BSN: variants seen among roughly 807,000 people sequenced by gnomAD.
BSN encodes protein bassoon.
BSN carries 57 observed loss-of-function variants against 264.8 expected under a neutral mutation model. The observed-to-expected ratio is 0.22, with a 90% CI of 0.17 to 0.27. The LOEUF (loss-of-function observed/expected upper bound fraction) is 0.27. Ranked by LOEUF, BSN falls within the 10% of genes least tolerant of loss-of-function variation. BSN has a pLI of 1.00. For synonymous variants in BSN, 2,059 were observed against 2,137.3 expected (o/e 0.96, Z 1.01); for missense variants, 4,615 against 5,232.5 (o/e 0.88, Z 3.64).
Position 49,663,168 on chromosome 3 carries a change from C to A in BSN, c.11010C>A (p.His3670Gln). ...CGGGACGGCGTGCTGCCAAACCACA[C>A]GCTCGGGACCTGGGTCGCCATGAGG... ...EEPGRRAAKP[H>Q]ARDLGRHEAR... Residue 3670 changes from histidine (H) to glutamine (Q), a missense_variant, in exon 7 of 12, where the codon CAC becomes CAA. His to Gln is a conservative substitution (Grantham distance 24). This residue lies in a region of BSN where 3,415 missense variants were observed against 3,866.4 expected (regional missense o/e 0.88). Transcript: ENST00000296452. The A allele has an allele frequency of 1.2e-6, 2 of 1,613,412 alleles. No individual in the cohort carries two copies. The highest frequency in any genetic ancestry group is 1.6e-4 in the Middle Eastern group (1 of 6,062).
chr3:49,626,460 G>A (rs910422753), intron 2 of BSN, among the ~76,000 whole-genome samples: 5 of 152,162 alleles, frequency 3.3e-5, no homozygotes, highest in African/African-American at 1.2e-4. Context: ...AGATTCTGAG[G>A]AAGGAGCTGT....
In BSN at chr3:49,653,391, G is replaced by A. The variant is rs531386820; in HGVS notation, c.3835G>A (p.Ala1279Thr). The change falls in exon 5 of 12, where the codon GCT becomes ACT. Residue 1279 changes from alanine (A) to threonine (T), a missense_variant. This residue lies in a region of BSN where 3,415 missense variants were observed against 3,866.4 expected (regional missense o/e 0.88). Coordinates refer to ENST00000296452, the MANE Select transcript of BSN (RefSeq NM_003458.4). This position sits in a 1 kb window ranked among gnomAD's most constrained non-coding sequence, Gnocchi z 6.3. Reference sequence around the variant, plus strand: ...GCGGCAGGCCTCCTCACGAGACCTGGCTTTTGCTGAGGACAAAAAGAAGGA... The same window carrying A: ...GCGGCAGGCCTCCTCACGAGACCTGACTTTTGCTGAGGACAAAAAGAAGGA... The part of the protein sequence containing the change: ...RMRQASSRDL[A>T]FAEDKKKEKQ... 1.9e-6 allele frequency: 3 copies of A among 1,613,832 alleles called. No homozygotes were observed. Among genetic ancestry groups the A allele is most frequent in the East Asian group, 2.2e-5 (1 of 44,876 alleles).
chr3:49,592,427 T>A (rs1056204305), intron 1 of BSN, among the ~76,000 whole-genome samples: 1 of 150,166 alleles, frequency 6.7e-6, no homozygotes, highest in South Asian at 2.1e-4. Flanking sequence ...CTCAATTTTT[T>A]AAAAATTGAA....
At chr3:49,616,027 G>A (rs1233934349) in intron 1 of BSN, among the ~76,000 whole-genome samples, 1 of 152,152 alleles carries the variant, frequency 6.6e-6, no homozygotes, top group Admixed American at 6.5e-5. Context: ...TTTTCCACTT[G>A]GGGAGGTGGG....
At chr3:49,618,817 T>G (rs2108052375) in intron 1 of BSN, among the ~76,000 whole-genome samples, 1 of 152,358 alleles carries the variant, frequency 6.6e-6, no homozygotes, top group South Asian at 2.1e-4. Context: ...TGCAGCAGTG[T>G]GTCTTGCAGG....
intron 1 of BSN, among the ~76,000 whole-genome samples, chr3:49,576,109 C>T (rs184145439): frequency 5.5e-4 from 84 of 152,168 alleles, no homozygotes; most frequent in Non-Finnish European, 1.1e-3. Context: ...TTAGAGTAAC[C>T]GCTGGTGCCT....
chr3:49,594,465 A>G (rs1420895033), intron 1 of BSN, among the ~76,000 whole-genome samples: 4 of 152,254 alleles, frequency 2.6e-5, no homozygotes. Context: ...GCAGCTTTAT[A>G]AAGAATCAAT....
intron 1 of BSN, among the ~76,000 whole-genome samples, chr3:49,616,051 A>T (rs1351276283): frequency 1.3e-5 from 2 of 152,218 alleles, no homozygotes; most frequent in Non-Finnish European, 2.9e-5. Flanking sequence ...TATAAAAAAT[A>T]TGCATTTATA....
rs931331292 is a variant in BSN at position 49,642,439 on chromosome 3, C to T, written c.805C>T (p.Pro269Ser). ...GKPDQERSRG[P>S]GGPQPGSRQA... ...GCCAGACCAAGAGAGATCTCGGGGC[C>T]CAGGAGGACCACAGCCTGGGTCCCG... The change falls in exon 3 of 12, where the codon CCA becomes TCA. Residue 269 changes from proline to serine, a missense_variant. By Grantham distance (74) the Pro-to-Ser change is moderately conservative (BLOSUM62 -1). Transcript: ENST00000296452. The surrounding 1 kb of genome is among the most constrained non-coding windows in gnomAD (Gnocchi z 7.0). 14 of 1,597,012 alleles carry T rather than the reference C, an allele frequency of 8.8e-6. No homozygotes were observed. Among genetic ancestry groups the T allele is most frequent in the Non-Finnish European group, 1.2e-5 (14 of 1,172,346 alleles).
intron 1 of BSN, among the ~76,000 whole-genome samples, chr3:49,584,586 TG>T (rs1324541278): frequency 6.6e-6 from 1 of 152,196 alleles, no homozygotes; most frequent in African/African-American, 2.4e-5. Flanking sequence ...CCATGGAGAA[TG>T]GGGTATCCAT....
At chr3:49,631,821 G>C (rs1406045520) in intron 2 of BSN, among the ~76,000 whole-genome samples, 1 of 152,116 alleles carries the variant, frequency 6.6e-6, no homozygotes, top group Non-Finnish European at 1.5e-5. Context: ...GGTCAGATGT[G>C]CATTTAAAAC....
In BSN at chr3:49,657,957, C is replaced by G; in HGVS notation, c.8401C>G (p.Leu2801Val). 1 of 1,612,170 alleles carries G rather than the reference C, an allele frequency of 6.2e-7. No homozygotes were observed. The highest frequency in any genetic ancestry group is 8.5e-7 in the Non-Finnish European group (1 of 1,178,658). The change falls in exon 5 of 12, where the codon CTG becomes GTG. Residue 2801 changes from leucine (L) to valine (V), a missense_variant. Leu to Val is a conservative substitution (Grantham distance 32, BLOSUM62 1). Transcript: ENST00000296452. ...PQVLYSPVSPLSPHRLLDTSF... is the reference protein window; with the variant it reads ...PQVLYSPVSPVSPHRLLDTSF... The stretch of plus-strand genomic sequence containing the variant: ...GGTCCTCTACTCACCAGTCTCACCC[C>G]TGTCCCCTCACCGGCTCCTGGACAC...
chr3:49,650,498 T>C, intron 3 of BSN, 114 bp from the exon 4 acceptor site: 1 of 1,011,014 alleles, frequency 9.9e-7, no homozygotes, highest in Non-Finnish European at 1.5e-6. Flanking sequence ...TCTTTGGTGT[T>C]ATGCTTTGAA....
intron 10 of BSN, among the ~76,000 whole-genome samples, 167 bp downstream of exon 10, chr3:49,665,020 A>G (rs1487148566): frequency 6.6e-6 from 1 of 152,070 alleles, no homozygotes; most frequent in Non-Finnish European, 1.5e-5. Flanking sequence ...GAGGAGAAAA[A>G]GGAGGGACAC....
chr3:49,588,538 ATCTT>A (rs1195025050), intron 1 of BSN, among the ~76,000 whole-genome samples: 1 of 152,176 alleles, frequency 6.6e-6, no homozygotes. Context: ...ATTGAAATGA[ATCTT>A]TCTTTTCTTG....
At chr3:49,615,440 G>C (rs1437647350) in intron 1 of BSN, among the ~76,000 whole-genome samples, 1 of 152,206 alleles carries the variant, frequency 6.6e-6, no homozygotes. Context: ...GGTCTTTTGA[G>C]TCTTGGAAAC....
intron 3 of BSN, among the ~76,000 whole-genome samples, chr3:49,647,056 G>A (rs2052507328): frequency 6.6e-6 from 1 of 152,206 alleles, no homozygotes; most frequent in Non-Finnish European, 1.5e-5. Flanking sequence ...CAGGGCTGAG[G>A]GTGTTTAGGG....
At chr3:49,644,071 T>C (rs888216600) in intron 3 of BSN, among the ~76,000 whole-genome samples, 1 of 152,144 alleles carries the variant, frequency 6.6e-6, no homozygotes, top group African/African-American at 2.4e-5. Flanking sequence ...TGGCCCAGGG[T>C]CACCCATGTG....
intron 1 of BSN, among the ~76,000 whole-genome samples, chr3:49,579,780 C>T (rs2051880879): frequency 6.9e-6 from 1 of 144,792 alleles, no homozygotes; most frequent in Admixed American, 7.1e-5. Context: ...TTTTTTTAAG[C>T]ATAAAAAGGT....
Sources: allele counts gnomAD v4.1 joint callset (sites outside exome capture counted in the v4.1 genomes callset), GRCh38; gene constraint gnomAD v4.1.1; regional missense constraint gnomAD v4.1.1; non-coding constraint Gnocchi (gnomAD v3.1); transcripts MANE v1.5; gene names NCBI Gene and HGNC (gene_info 2026-07-23, HGNC 2026-07-21).